TMEM255B: variants seen among roughly 807,000 people sequenced by gnomAD.
TMEM255B encodes family with sequence similarity 70, member B.
A neutral mutation model predicts 34.5 loss-of-function variants in TMEM255B; 35 were observed. The observed-to-expected ratio is 1.01, with a 90% confidence interval of 0.77 to 1.34. TMEM255B has a LOEUF of 1.34. TMEM255B is among the 40% of genes most tolerant of loss of function. TMEM255B has a pLI of 0.00. For synonymous variants in TMEM255B, 206 were observed against 201.2 expected (o/e 1.02, Z -0.20); for missense variants, 432 against 433.2 (o/e 1.00, Z 0.02).
intron 2 of TMEM255B, 182 bp downstream of exon 2, chr13:113,766,439 A>T: frequency 1.1e-6 from 1 of 885,654 alleles, no homozygotes; most frequent in Non-Finnish European, 1.8e-6. Flanking sequence ...AGGACCTGGG[A>T]CAGTGGCAGG....
Position 113,812,888 on chromosome 13 carries a change from C to CGGGAT in TMEM255B, c.*985_*986insGGGAT, listed in dbSNP as rs2051344073. 1 of 160,710 alleles carries CGGGAT rather than the reference C, an allele frequency of 6.2e-6. No homozygotes were observed. Among genetic ancestry groups the CGGGAT allele is most frequent in the Middle Eastern group, 3.2e-3 (1 of 312 alleles). The allele number at this position is 160,710 out of a possible 1,614,324, so 10.0% of individuals were successfully genotyped here. A position where few individuals can be genotyped will look rare whatever the true frequency, so the allele number is the denominator to read the frequency against. The stretch of plus-strand genomic sequence containing the variant: ...TGGGTCACAGGTCCCGAGTGGGTCA[C>CGGGAT]AGGCCCCGGGTGAGTCACAGGCCCC... On this transcript the variant is annotated 3_prime_UTR_variant, in exon 9 of 9. Coordinates refer to ENST00000375353, the MANE Select transcript of TMEM255B (RefSeq NM_182614.4).
At chr13:113,792,217 T>C (rs1331627493) in intron 3 of TMEM255B, among the ~76,000 whole-genome samples, 1 of 152,282 alleles carries the variant, frequency 6.6e-6, no homozygotes, top group Non-Finnish European at 1.5e-5. Flanking sequence ...AAATTTCAGT[T>C]AGGTGTAATT....
In TMEM255B at chr13:113,759,458, C is replaced by CCAGA. The variant is rs1350363877; in HGVS notation, c.46+143_46+144insCAGA. The CCAGA allele has an allele frequency of 3.9e-6, 3 of 761,070 alleles. No individual in the cohort carries two copies. The African/African-American group carries it at 5.4e-5, about 14-fold the overall frequency. The allele number at this position is 761,070 out of a possible 1,614,324, so 47.1% of individuals were successfully genotyped here. ...GTCTGGTCCCTCCGCCTCCTTCGAG[C>CCAGA]TCTGTCTTTGGAACACTTTGCATTT... On this transcript the variant is annotated intron_variant, in intron 1 of 8. Transcript: ENST00000375353.
chr13:113,801,866 C>G, intron 7 of TMEM255B, 54 bp downstream of exon 7: 1 of 1,501,844 alleles, frequency 6.7e-7, no homozygotes, highest in Non-Finnish European at 8.9e-7. Context: ...GGCTCCGGGT[C>G]CATTTCCCCG....
chr13:113,766,023 C>T (rs2050382102), intron 1 of TMEM255B, 92 bp from the exon 2 acceptor site: 1 of 1,553,116 alleles, frequency 6.4e-7, no homozygotes, highest in African/African-American at 1.4e-5. Flanking sequence ...TCCCAGGACC[C>T]CTGGGTAACG....
chr13:113,790,049 G>T (rs938009403), intron 3 of TMEM255B, among the ~76,000 whole-genome samples: 2 of 150,784 alleles, frequency 1.3e-5, no homozygotes, highest in South Asian at 2.1e-4. Flanking sequence ...GGACTGACTG[G>T]GCACGTGGAC....
chr13:113,776,557 G>A (rs1361949276), intron 3 of TMEM255B, among the ~76,000 whole-genome samples: 2 of 152,210 alleles, frequency 1.3e-5, no homozygotes, highest in Non-Finnish European at 2.9e-5. Context: ...TGCTGGCTCC[G>A]TCCCACGGCC....
intron 7 of TMEM255B, 75 bp downstream of exon 7, chr13:113,801,887 G>T (rs892961834): frequency 1.4e-6 from 2 of 1,454,926 alleles, no homozygotes; most frequent in South Asian, 1.4e-5. Context: ...GGGTGGGCTG[G>T]GGGGCCTCCA....
intron 3 of TMEM255B, among the ~76,000 whole-genome samples, chr13:113,775,861 G>A (rs759803001): frequency 1.3e-5 from 2 of 152,304 alleles, no homozygotes; most frequent in South Asian, 2.1e-4. Context: ...TTCTCAGGCC[G>A]GTGGCCCCAC....
chr13:113,800,104 G>T, intron 5 of TMEM255B: 1 of 1,150,830 alleles, frequency 8.7e-7, no homozygotes, highest in South Asian at 1.6e-5. Flanking sequence ...GTGGGGGGGG[G>T]TAGGCAGGAG....
chr13:113,766,340 CAG>C (rs1169283538), intron 2 of TMEM255B, 83 bp downstream of exon 2: 10 of 1,580,916 alleles, frequency 6.3e-6, no homozygotes, highest in Admixed American at 1.7e-5. Flanking sequence ...CGCCAGCTCA[CAG>C]GGCTGGGGCT....
In TMEM255B at chr13:113,766,275, G is replaced by C. The variant is rs552403832; in HGVS notation, c.189+18G>C. On this transcript the variant is annotated intron_variant, in intron 2 of 8. Coordinates refer to ENST00000375353, the MANE Select transcript of TMEM255B (RefSeq NM_182614.4). ...GGATCATTGTGAGTGCGCCGGGCGG[G>C]CGGCCTGGGCCGGGGAGGGCAGGGT... 6.2e-7 allele frequency: 1 copy of C among 1,613,552 alleles called. No homozygotes were observed. The highest frequency in any genetic ancestry group is 1.1e-5 in the South Asian group (1 of 91,076).
chr13:113,799,900 G>A (rs755563280), intron 5 of TMEM255B: 11 of 1,206,848 alleles, frequency 9.1e-6, no homozygotes, highest in Non-Finnish European at 1.0e-5. Context: ...CTGTGACGGC[G>A]CTCTCTGTGT....
chr13:113,761,885 T>A (rs1199624515), intron 1 of TMEM255B, among the ~76,000 whole-genome samples: 1 of 152,180 alleles, frequency 6.6e-6, no homozygotes, highest in African/African-American at 2.4e-5. Context: ...GAGACAGAGC[T>A]CTTGGCTCTC....
intron 3 of TMEM255B, among the ~76,000 whole-genome samples, chr13:113,786,732 G>A (rs1159883331): frequency 6.6e-6 from 1 of 152,196 alleles, no homozygotes; most frequent in Non-Finnish European, 1.5e-5. Flanking sequence ...CTCTCTGCTG[G>A]GGAGTGAATT....
chr13:113,793,152 T>C (rs557106591), intron 3 of TMEM255B, among the ~76,000 whole-genome samples: 91 of 152,276 alleles, frequency 6.0e-4, no homozygotes, highest in African/African-American at 2.1e-3. Context: ...AGGGCTCCGG[T>C]CCAAGGCCAC....
At chr13:113,803,867 G>A (rs545790874) in intron 7 of TMEM255B, among the ~76,000 whole-genome samples, 10 of 16,710 alleles carry the variant, frequency 6.0e-4, no homozygotes, top group African/African-American at 3.1e-3. Context: ...GTTGTCTGAG[G>A]ACACCTCAGG....
Position 113,804,986 on chromosome 13 carries a change from C to T in TMEM255B, c.771C>T (p.Pro257=), listed in dbSNP as rs146364197. The change falls in exon 8 of 9, where the codon CCC becomes CCT. Residue 257 remains proline, a synonymous_variant. Coordinates refer to ENST00000375353, the MANE Select transcript of TMEM255B (RefSeq NM_182614.4). ...ILAYAGFRLT[P]EPVPTCSSYP... is the part of the protein sequence containing the mutation. ...CCTACGCAGGCTTCCGCCTGACGCC[C>T]GAGCCCGTCCCGACCTGCTCGTCCT... The T allele has an allele frequency of 4.0e-4, 648 of 1,606,518 alleles. 9 individuals carry two copies. In the East Asian group the frequency reaches 0.012, roughly 30 times the overall value.
At chr13:113,776,952 C>T (rs1489801672) in intron 3 of TMEM255B, among the ~76,000 whole-genome samples, 1 of 152,140 alleles carries the variant, frequency 6.6e-6, no homozygotes, top group Non-Finnish European at 1.5e-5. Flanking sequence ...AGAGCTTCGC[C>T]TAGGGTCACA....
Sources: allele counts gnomAD v4.1 joint callset (sites outside exome capture counted in the v4.1 genomes callset), GRCh38; gene constraint gnomAD v4.1.1; transcripts MANE v1.5; gene names NCBI Gene and HGNC (gene_info 2026-07-23, HGNC 2026-07-21).